MARCHF7: variants seen among roughly 807,000 people sequenced by gnomAD.
The protein encoded by MARCHF7 is E3 ubiquitin-protein ligase MARCHF7.
In MARCHF7, 20 loss-of-function variants were observed where a neutral mutation model predicts 76.5. The ratio of observed to expected loss-of-function variants is 0.26; its 90% CI spans 0.18 to 0.38. The LOEUF is 0.38. Ranked by LOEUF, MARCHF7 falls within the 10% of genes least tolerant of loss-of-function variation. The probability of loss-of-function intolerance (pLI) is 1.00; values close to 1 mark genes in which losing one functional copy is unlikely to be tolerated. For synonymous variants in MARCHF7, 295 were observed against 293.0 expected (o/e 1.01, Z -0.07); for missense variants, 797 against 812.9 (o/e 0.98, Z 0.24).
chr2:159,761,652 TC>T (rs1474970028), intron 9 of MARCHF7, among the ~76,000 whole-genome samples: 2 of 150,490 alleles, frequency 1.3e-5, no homozygotes, highest in East Asian at 4.0e-4. Context: ...CCTCAAGTGA[TC>T]CACCCACTCC....
chr2:159,753,189 G>A (rs116953918), intron 8 of MARCHF7, among the ~76,000 whole-genome samples: 99 of 152,278 alleles, frequency 6.5e-4, no homozygotes, highest in East Asian at 5.8e-3. Flanking sequence ...AGACTTTAGG[G>A]TGGGAATCAA....
At chr2:159,749,268 G>C (rs1705307864) in intron 7 of MARCHF7, among the ~76,000 whole-genome samples, 1 of 150,856 alleles carries the variant, frequency 6.6e-6, no homozygotes. Flanking sequence ...ATGAGCCACT[G>C]TGCCCAGCCT....
chr2:159,743,748 AAAGAG>A (rs1172438734), intron 5 of MARCHF7, among the ~76,000 whole-genome samples: 1 of 150,470 alleles, frequency 6.6e-6, no homozygotes, highest in Non-Finnish European at 1.5e-5. Flanking sequence ...AAAAAAAAAA[AAAGAG>A]AGAATTAGCT....
intron 4 of MARCHF7, among the ~76,000 whole-genome samples, chr2:159,740,059 C>CT: frequency 6.6e-6 from 1 of 152,254 alleles, no homozygotes; most frequent in South Asian, 2.1e-4. Flanking sequence ...ACTTTTTTCT[C>CT]TATTTCTCAC....
At chr2:159,733,068 ATTAT>A (rs55655506) in intron 4 of MARCHF7, 207,865 of 613,794 alleles carry the variant, frequency 0.34, 35,354 homozygotes, top group South Asian at 0.44. Context: ...TTTAGTTATA[ATTAT>A]TTATAATTGT....
intron 3 of MARCHF7, among the ~76,000 whole-genome samples, chr2:159,717,391 A>G (rs1038298951): frequency 1.3e-5 from 2 of 152,192 alleles, no homozygotes; most frequent in Non-Finnish European, 2.9e-5. Flanking sequence ...ATTGCTTTAA[A>G]ATAATAGAGT....
At chr2:159,728,631 G>T (rs1559996537) in intron 3 of MARCHF7, among the ~76,000 whole-genome samples, 2 of 152,172 alleles carry the variant, frequency 1.3e-5, no homozygotes. Context: ...GTGTTAAGGG[G>T]TATGCAAATA....
At chr2:159,726,217 AG>A (rs1702142463) in intron 3 of MARCHF7, among the ~76,000 whole-genome samples, 1 of 108,382 alleles carries the variant, frequency 9.2e-6, no homozygotes, top group African/African-American at 2.9e-5. Flanking sequence ...CTCCAGATAC[AG>A]GTTTTGTTTT....
At chr2:159,732,082 C>T (rs190642423) in intron 4 of MARCHF7, among the ~76,000 whole-genome samples, 13 of 151,632 alleles carry the variant, frequency 8.6e-5, no homozygotes, top group East Asian at 3.9e-4. Context: ...CTAGCCTGGG[C>T]GACAGAGCGA....
At chr2:159,742,771 T>A (rs535338046) in intron 4 of MARCHF7, among the ~76,000 whole-genome samples, 1 of 152,190 alleles carries the variant, frequency 6.6e-6, no homozygotes, top group Non-Finnish European at 1.5e-5. Context: ...ACCCTGTCTC[T>A]ACTAAAAATA....
intron 6 of MARCHF7, among the ~76,000 whole-genome samples, chr2:159,746,321 A>C (rs1411750195): frequency 6.6e-6 from 1 of 152,262 alleles, no homozygotes; most frequent in Non-Finnish European, 1.5e-5. Flanking sequence ...CACCATTTTA[A>C]GGCATAATTT....
chr2:159,733,762 T>G (rs541599499), intron 4 of MARCHF7: 9 of 985,310 alleles, frequency 9.1e-6, no homozygotes, highest in Non-Finnish European at 1.1e-5. Context: ...ACTTCTGTTT[T>G]TAGTTAACAT....
chr2:159,716,418 A>T (rs1701043743), intron 3 of MARCHF7, among the ~76,000 whole-genome samples: 1 of 152,186 alleles, frequency 6.6e-6, no homozygotes, highest in South Asian at 2.1e-4. Flanking sequence ...AGGCCGAGAC[A>T]GGCAGATTGC....
At chr2:159,719,015 G>C (rs1222638711) in intron 3 of MARCHF7, among the ~76,000 whole-genome samples, 1 of 152,020 alleles carries the variant, frequency 6.6e-6, no homozygotes, top group African/African-American at 2.4e-5. Flanking sequence ...TTCAGAAAGT[G>C]TCTCACTCTG....
At chr2:159,759,164 G>A (rs1706695733) in intron 8 of MARCHF7, 62 bp from the exon 9 acceptor site, 3 of 867,264 alleles carry the variant, frequency 3.5e-6, no homozygotes, top group East Asian at 4.9e-5. Flanking sequence ...AACTTAACGA[G>A]GAAAAGTGTT....
At chr2:159,745,402 C>T (rs1282310758) in intron 5 of MARCHF7, among the ~76,000 whole-genome samples, 10 of 152,156 alleles carry the variant, frequency 6.6e-5, no homozygotes, top group South Asian at 2.1e-4. Flanking sequence ...GTGCTGTGAT[C>T]CCAGCACTTT....
chr2:159,724,954 T>C (rs970458088), intron 3 of MARCHF7, among the ~76,000 whole-genome samples: 2 of 152,192 alleles, frequency 1.3e-5, no homozygotes, highest in African/African-American at 2.4e-5. Context: ...TCCTTGGCGA[T>C]AGTTTGCTGA....
chr2:159,766,458 C>T (rs1054041870), intron 11 of MARCHF7, among the ~76,000 whole-genome samples: 1 of 152,034 alleles, frequency 6.6e-6, no homozygotes, highest in Non-Finnish European at 1.5e-5. Context: ...GGCATTAAAC[C>T]GTTTTGCCCT....
At position 159,752,632 on chromosome 2, in the gene MARCHF7, T is replaced by C. The variant is rs552691610; in HGVS notation, c.1783+61T>C. 58 of 1,330,034 alleles carry C rather than the reference T, an allele frequency of 4.4e-5. No homozygotes were observed. The African/African-American group carries it at 8.4e-4, about 19-fold the overall frequency. 82.4% of individuals were successfully genotyped at this position (1,330,034 alleles called of 1,614,324 possible). Reference sequence around the variant, plus strand: ...TAAGAGATGCATGTATGTATGCGTTTGGTTAACAAATTTATAGATTGTTGA... The same window carrying C: ...TAAGAGATGCATGTATGTATGCGTTCGGTTAACAAATTTATAGATTGTTGA... On this transcript the variant is annotated intron_variant, in intron 8 of 11. Transcript: ENST00000409175.
Sources: gnomAD v4.1 joint callset for allele counts (sites outside exome capture counted in the v4.1 genomes callset) on GRCh38, gnomAD v4.1.1 for gene constraint, MANE v1.5 for transcripts, NCBI Gene and HGNC (gene_info 2026-07-23, HGNC 2026-07-21) for gene names.